Variants in ADGRG4 observed in about 807,000 individuals in gnomAD.
ADGRG4 encodes adhesion G protein-coupled receptor G4, also known as G protein-coupled receptor 112.
In ADGRG4, 122 loss-of-function variants were observed where a neutral mutation model predicts 126.2. The ratio of observed to expected loss-of-function variants is 0.97; its 90% CI spans 0.83 to 1.12. ADGRG4 has a LOEUF of 1.12. Ranked by LOEUF, ADGRG4 falls within the 50% of genes most tolerant of loss-of-function variation. The probability of loss-of-function intolerance (pLI) is 0.00; values close to 1 mark genes in which losing one functional copy is unlikely to be tolerated. For synonymous variants in ADGRG4, 943 were observed against 838.7 expected (o/e 1.12, Z -2.15); for missense variants, 2,481 against 2,251.8 (o/e 1.10, Z -2.06).
chrX:136,383,813 C>CCTTTCTTT (rs373849599), intron 15 of ADGRG4, among the ~76,000 whole-genome samples: 2,297 of 59,483 alleles, frequency 0.039, 98 homozygotes, highest in Middle Eastern at 0.063. Context: ...TATATATTTG[C>CCTTTCTTT]CTTTCTTTCT....
At position 136,330,768 on chromosome X, in the gene ADGRG4, G is replaced by A. The variant is rs1049912830; in HGVS notation, c.685+7376G>A. On this transcript the variant is annotated intron_variant, in intron 5 of 25. Transcript: ENST00000394143. ...ATATGAGATGTTTTGATACAGGCAT[G>A]GAATGTGAAATAATCATATCATGGT... Among the ~76,000 whole-genome samples, 5 of 111,282 alleles carry A rather than the reference G, an allele frequency of 4.5e-5. No homozygotes were observed. The East Asian group carries it at 1.4e-3, about 31-fold the overall frequency.
chrX:136,346,596 G>A lies in ADGRG4; in HGVS notation c.2890G>A (p.Glu964Lys), dbSNP rs139374709. 2.0e-4 allele frequency: 236 copies of A among 1,208,549 alleles called. No homozygotes were observed. The highest frequency in any genetic ancestry group is 2.4e-4 in the Non-Finnish European group (216 of 894,206). ...TTCTGGGAGCACACATATATTCGGT[G>A]AACCCCTGGGTGCTTCTACCACAAG... is the stretch of plus-strand genomic sequence containing the variant. ...PTSGSTHIFG[E>K]PLGASTTRIS... The change falls in exon 6 of 26, where the codon GAA becomes AAA. Residue 964 changes from glutamate to lysine, a missense_variant. Transcript: ENST00000394143.
At position 136,414,159 on chromosome X, in the gene ADGRG4, G is replaced by C. The variant is rs1278855642; in HGVS notation, c.9038-1G>C. On this transcript the variant is annotated splice_acceptor_variant, in intron 24 of 25. Coordinates refer to ENST00000394143, the MANE Select transcript of ADGRG4 (RefSeq NM_153834.4). LOFTEE classifies it high-confidence loss of function. The stretch of plus-strand genomic sequence containing the variant: ...TTTAACTTTTCTTGGTATCATTTCA[G>C]ATGGGAGCAGCCGGTGTCAGATAAA... 1 of 1,184,678 alleles carries C rather than the reference G, an allele frequency of 8.4e-7. No homozygotes were observed. Among genetic ancestry groups the C allele is most frequent in the East Asian group, 3.0e-5 (1 of 33,459 alleles).
intron 1 of ADGRG4, among the ~76,000 whole-genome samples, chrX:136,301,304 T>C (rs1456693353): frequency 8.9e-6 from 1 of 112,410 alleles, no homozygotes; most frequent in Non-Finnish European, 1.9e-5. Context: ...TGGTATCTCA[T>C]TGTGGTTTTG....
At chrX:136,366,839 T>C (rs2075161662) in intron 13 of ADGRG4, among the ~76,000 whole-genome samples, 1 of 111,105 alleles carries the variant, frequency 9.0e-6, no homozygotes, top group Non-Finnish European at 1.9e-5. Flanking sequence ...TCTCCTTTGG[T>C]GAGGTGTATT....
chrX:136,377,736 TC>T (rs1324286328), intron 15 of ADGRG4, among the ~76,000 whole-genome samples: 2 of 111,620 alleles, frequency 1.8e-5, no homozygotes, highest in Non-Finnish European at 3.8e-5. Context: ...ATTTCCAGCA[TC>T]ATTTGTTGAA....
Position 136,377,167 on chromosome X carries a change from C to CTTTTTTTTTTTTTTTTTTTTTTTT in ADGRG4, c.7776+4104_7776+4127dup, listed in dbSNP as rs1184343263. ...GTTTTTCACTTTCTTGTTTTCTTTCCTTTTTTTTTTTTTTTTTTTTTTTTG... is the reference window on the plus strand; with the variant it reads ...GTTTTTCACTTTCTTGTTTTCTTTCCTTTTTTTTTTTTTTTTTTTTTTTTTTTTTTTTTTTTTTTTTTTTTTTTG... On this transcript the variant is annotated intron_variant, in intron 15 of 25. Coordinates refer to ENST00000394143, the MANE Select transcript of ADGRG4 (RefSeq NM_153834.4). Among the ~76,000 whole-genome samples the CTTTTTTTTTTTTTTTTTTTTTTTT allele has an allele frequency of 7.4e-4, 36 of 48,636 alleles. 2 individuals are homozygous for CTTTTTTTTTTTTTTTTTTTTTTTT. Among genetic ancestry groups the CTTTTTTTTTTTTTTTTTTTTTTTT allele is most frequent in the African/African-American group, 2.3e-3 (23 of 9,788 alleles). The allele number at this position is 48,636 out of a possible 115,157, so 42.2% of individuals were successfully genotyped here.
In ADGRG4 at chrX:136,381,770, G is replaced by C. The variant is rs776830094; in HGVS notation, c.7777-5970G>C. On this transcript the variant is annotated intron_variant, in intron 15 of 25. Coordinates refer to ENST00000394143, the MANE Select transcript of ADGRG4 (RefSeq NM_153834.4). ...ACATGATCACAAGGTCCCACAATAGGCTGTCTGCAAGCTTGAGGAGCAAGG... is the reference window on the plus strand; with the variant it reads ...ACATGATCACAAGGTCCCACAATAGCCTGTCTGCAAGCTTGAGGAGCAAGG... Among the ~76,000 whole-genome samples the C allele has an allele frequency of 1.4e-4, 15 of 110,718 alleles. No individual in the cohort carries two copies. The South Asian group carries it at 5.5e-3, about 40-fold the overall frequency.
chrX:136,358,969 C>T (rs368556461), intron 10 of ADGRG4, among the ~76,000 whole-genome samples: 16 of 112,107 alleles, frequency 1.4e-4, no homozygotes, highest in African/African-American at 5.2e-4. Flanking sequence ...ATAATAAATC[C>T]TGAAAACTCC....
Position 136,372,700 on chromosome X carries a change from A to T in ADGRG4, c.7614-202A>T, listed in dbSNP as rs2075202261. ...AAGTGAGATTACTTTATTTGCCCAC[A>T]CAGTTAGAAATTAGAGAAGCTAAGA... On this transcript the variant is annotated intron_variant, in intron 14 of 25. Transcript: ENST00000394143. 4.5e-5 allele frequency among the ~76,000 whole-genome samples: 5 copies of T among 112,134 alleles called. No homozygotes were observed. The South Asian group carries it at 1.9e-3, about 42-fold the overall frequency.
Position 136,350,253 on chromosome X carries a change from A to G in ADGRG4, c.6547A>G (p.Thr2183Ala), listed in dbSNP as rs1385343007. 1 of 1,208,960 alleles carries G rather than the reference A, an allele frequency of 8.3e-7. No individual in the cohort carries two copies. The highest frequency in any genetic ancestry group is 1.8e-5 in the South Asian group (1 of 56,913). ...PTLDSLLNIM[T>A]TTSTVPGASF... ...ACTGGACTCCCTTCTAAATATAATG[A>G]CTACTACATCCACTGTTCCTGGAGC... The change falls in exon 6 of 26, where the codon ACT becomes GCT. Residue 2183 changes from threonine to alanine, a missense_variant. By Grantham distance (58) the Thr-to-Ala change is moderately conservative (BLOSUM62 0). Coordinates refer to ENST00000394143, the MANE Select transcript of ADGRG4 (RefSeq NM_153834.4).
chrX:136,309,057 A>T (rs748761791), intron 4 of ADGRG4, among the ~76,000 whole-genome samples: 22 of 112,767 alleles, frequency 2.0e-4, no homozygotes, highest in African/African-American at 6.8e-4. Flanking sequence ...AGCTGGCCTC[A>T]AGAAGGCAGT....
At chrX:136,323,484 T>A in intron 5 of ADGRG4, 92 bp downstream of exon 5, 2 of 798,310 alleles carry the variant, frequency 2.5e-6, no homozygotes, top group Non-Finnish European at 3.6e-6. Context: ...AGTTTTGTCA[T>A]CACTTTTTAA....
In ADGRG4 at chrX:136,350,295, TC is replaced by T. The variant is rs1162558236; in HGVS notation, c.6591del (p.Thr2198LeufsTer3). 8.3e-7 allele frequency: 1 copy of T among 1,209,149 alleles called. No individual in the cohort carries two copies. The highest frequency in any genetic ancestry group is 1.1e-6 in the Non-Finnish European group (1 of 894,395). ...TVPGASFPLI[S>X]TGVTYPFTAT... ...TCCTGGAGCCTCATTTCCACTCATA[TC>T]CACTGGGGTGACATATCCTTTTACA... On this transcript the variant is annotated frameshift_variant, in exon 6 of 26. Transcript: ENST00000394143. LOFTEE classifies it high-confidence loss of function.
chrX:136,383,799 A>G (rs1251902769), intron 15 of ADGRG4, among the ~76,000 whole-genome samples: 1 of 105,403 alleles, frequency 9.5e-6, no homozygotes, highest in African/African-American at 3.4e-5. Flanking sequence ...TGACTCTTTA[A>G]TTATATATAT....
chrX:136,350,598 T>C (rs2075056277), intron 6 of ADGRG4, among the ~76,000 whole-genome samples, 165 bp downstream of exon 6: 1 of 112,129 alleles, frequency 8.9e-6, no homozygotes, highest in Non-Finnish European at 1.9e-5. Flanking sequence ...CTTGTCCAAA[T>C]ACAAAATTCT....
chrX:136,316,791 A>G (rs1206893912), intron 4 of ADGRG4, among the ~76,000 whole-genome samples: 3 of 111,986 alleles, frequency 2.7e-5, no homozygotes, highest in Non-Finnish European at 5.6e-5. Flanking sequence ...TTTAAAATAA[A>G]TGTATTTATT....
In ADGRG4 at chrX:136,349,757, C is replaced by T; in HGVS notation, c.6051C>T (p.Gly2017=). Residue 2017 remains glycine (G), a synonymous_variant, in exon 6 of 26, where the codon GGC becomes GGT. Coordinates refer to ENST00000394143, the MANE Select transcript of ADGRG4 (RefSeq NM_153834.4). ...LTWLLSSLPS[G]SPPATVSNAP... is the part of the protein sequence containing the mutation. ...GGCTCTTATCTAGTCTCCCTTCTGGCTCCCCTCCGGCAACTGTATCTAATG... is the reference window on the plus strand; with the variant it reads ...GGCTCTTATCTAGTCTCCCTTCTGGTTCCCCTCCGGCAACTGTATCTAATG... 1 of 1,209,563 alleles carries T rather than the reference C, an allele frequency of 8.3e-7. No homozygotes were observed.
At chrX:136,313,771 T>C (rs763971509) in intron 4 of ADGRG4, among the ~76,000 whole-genome samples, 5 of 111,235 alleles carry the variant, frequency 4.5e-5, no homozygotes, top group Non-Finnish European at 9.4e-5. Flanking sequence ...CGCCCGGAGG[T>C]GGATGGGCTT....
Sources: allele counts gnomAD v4.1 joint callset (sites outside exome capture counted in the v4.1 genomes callset), GRCh38; gene constraint gnomAD v4.1.1; transcripts MANE v1.5; gene names NCBI Gene and HGNC (gene_info 2026-07-23, HGNC 2026-07-21).